Variants in SFTPB observed in about 807,000 individuals in gnomAD.
The protein encoded by SFTPB is pulmonary surfactant-associated protein B.
A neutral mutation model predicts 51.0 loss-of-function variants in SFTPB; 32 were observed. The observed-to-expected ratio is 0.63, with a 90% CI of 0.47 to 0.84. The LOEUF is 0.84. Among genes scored for constraint, SFTPB ranks in the 40% least tolerant of loss-of-function variants. The pLI, the probability that SFTPB is intolerant of heterozygous loss-of-function variation, is 0.00. For missense variants in SFTPB, 431 were observed against 491.2 expected (o/e 0.88, Z 1.16); for synonymous variants, 211 against 208.5 (o/e 1.01, Z -0.10).
rs1677155582 is a variant in SFTPB at position 85,658,800 on chromosome 2, G to A, written c.*902C>T. ...GGCCTCCTAAGGTGCTGGGATTGCA[G>A]GTGTGAGCCACCACGTCTGGCCATA... is the stretch of plus-strand genomic sequence containing the variant. On this transcript the variant is annotated 3_prime_UTR_variant, in exon 11 of 11. Transcript: ENST00000519937. 1 of 152,162 alleles carries A rather than the reference G, an allele frequency of 6.6e-6. No individual in the cohort carries two copies. Among genetic ancestry groups the A allele is most frequent in the Non-Finnish European group, 1.5e-5 (1 of 68,026 alleles). 9.4% of individuals were successfully genotyped at this position (152,162 alleles called of 1,614,324 possible).
At chr2:85,660,444 CTTTTTT>C (rs67187198) in intron 10 of SFTPB, among the ~76,000 whole-genome samples, 18 of 97,464 alleles carry the variant, frequency 1.8e-4, no homozygotes, top group East Asian at 6.0e-4. Context: ...AAAGAAATAC[CTTTTTT>C]TTTTTTTTTT....
intron 4 of SFTPB, 54 bp from the exon 5 acceptor site, chr2:85,665,848 T>G: frequency 6.4e-7 from 1 of 1,561,866 alleles, no homozygotes; most frequent in South Asian, 1.1e-5. Context: ...AGCCCACCCC[T>G]ATTCAGGCCG....
At chr2:85,661,188 G>A in intron 10 of SFTPB, 1 of 391,340 alleles carries the variant, frequency 2.6e-6, no homozygotes, top group Non-Finnish European at 4.9e-6. Context: ...CTGGGACAGG[G>A]CAGGGCGGGG....
intron 9 of SFTPB, 152 bp downstream of exon 9, chr2:85,661,877 A>C (rs1394343349): frequency 1.4e-6 from 1 of 698,940 alleles, no homozygotes; most frequent in Non-Finnish European, 2.5e-6. Flanking sequence ...TTTTACACTG[A>C]AACAGAGAGG....
intron 1 of SFTPB, 68 bp downstream of exon 1, chr2:85,668,049 C>G: frequency 1.5e-6 from 2 of 1,355,216 alleles, no homozygotes; most frequent in Non-Finnish European, 2.1e-6. Context: ...TGGGTTAATG[C>G]CTAGCACAAA....
At position 85,667,754 on chromosome 2, in the gene SFTPB, G is replaced by A; in HGVS notation, c.120C>T (p.Cys40=). 6.2e-7 allele frequency: 1 copy of A among 1,614,272 alleles called. No homozygotes were observed. The highest frequency in any genetic ancestry group is 8.5e-7 in the Non-Finnish European group (1 of 1,180,050). ...LACAQGPEFW[C]QSLEQALQCR... The stretch of plus-strand genomic sequence containing the variant: ...ACTGCAATGCTTGCTCCAGGCTTTG[G>A]CACCAGAACTCAGGGCCCTGGGCAC... The change falls in exon 2 of 11, where the codon TGC becomes TGT. Residue 40 remains cysteine, a synonymous_variant. Coordinates refer to ENST00000519937, the MANE Select transcript of SFTPB (RefSeq NM_000542.5).
chr2:85,662,840 CAAAAAAA>C lies in SFTPB; in HGVS notation c.1002+499_1002+505del, dbSNP rs34015129. ...GGGCAACAAGAGCAAAACTCCATCT[CAAAAAAA>C]AAAAAAAAAAAAAAAAAAAGGGAAT... On this transcript the variant is annotated intron_variant, in intron 8 of 10. Coordinates refer to ENST00000519937, the MANE Select transcript of SFTPB (RefSeq NM_000542.5). Among the ~76,000 whole-genome samples the C allele has an allele frequency of 2.9e-3, 80 of 27,660 alleles. 2 individuals are homozygous for C. The South Asian group carries it at 0.043, about 15-fold the overall frequency. The allele number at this position is 27,660 out of a possible 152,430, so 18.1% of individuals were successfully genotyped here.
rs765446107 is a variant in SFTPB at position 85,667,782 on chromosome 2, G to A, written c.92C>T (p.Ala31Val). Reference protein sequence around the residue: ...GTAAWTTSSLACAQGPEFWCQ... With the variant: ...GTAAWTTSSLVCAQGPEFWCQ... ...CCAGAACTCAGGGCCCTGGGCACAG[G>A]CCAAGGATGAGGTGGTCCAGGCAGC... The change falls in exon 2 of 11, where the codon GCC (alanine) becomes GTC (valine). Residue 31 changes from alanine (A) to valine (V), a missense_variant. Ala to Val is a moderately conservative substitution (Grantham distance 64). Coordinates refer to ENST00000519937, the MANE Select transcript of SFTPB (RefSeq NM_000542.5). The A allele has an allele frequency of 5.1e-5, 82 of 1,614,174 alleles. No homozygotes were observed. The East Asian group carries it at 1.8e-3, about 36-fold the overall frequency.
chr2:85,667,577 C>T (rs995215617), intron 2 of SFTPB, 102 bp downstream of exon 2: 4 of 1,440,280 alleles, frequency 2.8e-6, no homozygotes, highest in Non-Finnish European at 2.9e-6. Context: ...TTCATCTCAT[C>T]CATCCCCTAT....
intron 5 of SFTPB, 43 bp downstream of exon 5, chr2:85,665,563 C>T: frequency 6.2e-7 from 1 of 1,606,654 alleles, no homozygotes; most frequent in Non-Finnish European, 8.5e-7. Context: ...GTGGCTCTAG[C>T]CCTCTGGATC....
rs1247214807 is a variant in SFTPB at position 85,665,677 on chromosome 2, G to T, written c.511C>A (p.Pro171Thr). Residue 171 changes from proline (P) to threonine (T), a missense_variant, in exon 5 of 11, where the codon CCT (proline) becomes ACT (threonine). By Grantham distance (38) the Pro-to-Thr change is conservative. Coordinates refer to ENST00000519937, the MANE Select transcript of SFTPB (RefSeq NM_000542.5). The stretch of plus-strand genomic sequence containing the variant: ...GGGAGGACGAGCTTGTCCAGCAGAG[G>T]GTCTGGCAGAGGGTCCCGCAGAGGT... Reference protein sequence around the residue: ...PKPLRDPLPDPLLDKLVLPVL... With the variant: ...PKPLRDPLPDTLLDKLVLPVL... 3 of 1,614,186 alleles carry T rather than the reference G, an allele frequency of 1.9e-6. No homozygotes were observed. The highest frequency in any genetic ancestry group is 2.5e-6 in the Non-Finnish European group (3 of 1,180,032).
chr2:85,667,858 G>A (rs1677736648), intron 1 of SFTPB, 52 bp from the exon 2 acceptor site: 2 of 1,613,296 alleles, frequency 1.2e-6, no homozygotes, highest in Non-Finnish European at 8.5e-7. Flanking sequence ...TACACACCTG[G>A]CATCATGATT....
intron 3 of SFTPB, 125 bp from the exon 4 acceptor site, chr2:85,666,867 G>A (rs868594239): frequency 7.6e-7 from 1 of 1,314,690 alleles, no homozygotes; most frequent in Middle Eastern, 2.3e-4. Flanking sequence ...GTTCACGAGT[G>A]CCAAGGAGTT....
rs759409224 is a variant in SFTPB, at chr2:85,667,187, G to T, written c.196-10C>A. The T allele has an allele frequency of 1.9e-6, 3 of 1,611,676 alleles. No individual in the cohort carries two copies. In the South Asian group the frequency reaches 3.3e-5, roughly 18 times the overall value. ...CTTGGCATAGGTCATCCTGGGGAGG[G>T]AGGGGCCCCAAGGTGGAGGACACAT... On this transcript the variant is annotated splice_polypyrimidine_tract_variant and intron_variant, in intron 2 of 10. Coordinates refer to ENST00000519937, the MANE Select transcript of SFTPB (RefSeq NM_000542.5).
chr2:85,666,896 AG>A (rs919829623), intron 3 of SFTPB, among the ~76,000 whole-genome samples, 154 bp from the exon 4 acceptor site: 1 of 152,082 alleles, frequency 6.6e-6, no homozygotes, highest in Non-Finnish European at 1.5e-5. Flanking sequence ...GGGCACATGT[AG>A]GGGCCCTTCC....
At position 85,666,639 on chromosome 2, in the gene SFTPB, A is replaced by G; in HGVS notation, c.371T>C (p.Ile124Thr). ...CACAGTCTGGTTCTGGAAGTAGTCG[A>G]TGACCAGGGGGAAGTAGTCGTCAAG... Reference protein sequence around the residue: ...QVLDDYFPLVIDYFQNQTDSN... With the variant: ...QVLDDYFPLVTDYFQNQTDSN... Residue 124 changes from isoleucine (I) to threonine (T), a missense_variant, in exon 4 of 11, where the codon ATC becomes ACC. Ile to Thr is a moderately conservative substitution (Grantham distance 89). Transcript: ENST00000519937. 1 of 1,613,640 alleles carries G rather than the reference A, an allele frequency of 6.2e-7. No homozygotes were observed. Among genetic ancestry groups the G allele is most frequent in the Non-Finnish European group, 8.5e-7 (1 of 1,179,778 alleles).
At chr2:85,667,272 A>T in intron 2 of SFTPB, 95 bp from the exon 3 acceptor site, 1 of 900,918 alleles carries the variant, frequency 1.1e-6, no homozygotes, top group Non-Finnish European at 1.9e-6. Flanking sequence ...CCAACAGAGC[A>T]CTCCAAGGCA....
At chr2:85,668,297 G>T, upstream of SFTPB, 1 of 1,022,022 alleles carries the variant, frequency 9.8e-7, no homozygotes, top group Non-Finnish European at 1.5e-6. Flanking sequence ...GCTCTGAAGA[G>T]CCCTCCAGGT....
At chr2:85,661,583 C>A in intron 9 of SFTPB, 48 bp from the exon 10 acceptor site, 2 of 1,486,742 alleles carry the variant, frequency 1.3e-6, no homozygotes, top group South Asian at 1.2e-5. Context: ...CCCTCAGCTC[C>A]CCACACCCAG....
Sources: gnomAD v4.1 joint callset for allele counts (sites outside exome capture counted in the v4.1 genomes callset) on GRCh38, gnomAD v4.1.1 for gene constraint, MANE v1.5 for transcripts, NCBI Gene and HGNC (gene_info 2026-07-23, HGNC 2026-07-21) for gene names.